PRKD3: variants seen among roughly 807,000 people sequenced by gnomAD.
The protein encoded by PRKD3 is protein kinase D3, also known as serine/threonine-protein kinase D3.
In PRKD3, 47 loss-of-function variants were observed where a neutral mutation model predicts 99.2. The observed-to-expected ratio is 0.47, with a 90% CI of 0.38 to 0.60. PRKD3 has a LOEUF of 0.60. Among genes scored for constraint, PRKD3 ranks in the 20% least tolerant of loss-of-function variants. The probability of loss-of-function intolerance (pLI) is 0.00; values close to 1 mark genes in which losing one functional copy is unlikely to be tolerated. For synonymous variants in PRKD3, 392 were observed against 355.4 expected, an observed-to-expected ratio of 1.10 and a Z score of -1.16; for missense variants, 1,019 against 1,088.4, an observed-to-expected ratio of 0.94 and a Z score of 0.90.
At chr2:37,266,873 T>C (rs1668880291) in intron 14 of PRKD3, among the ~76,000 whole-genome samples, 1 of 152,214 alleles carries the variant, frequency 6.6e-6, no homozygotes, top group African/African-American at 2.4e-5. Context: ...ATTATTTATA[T>C]GATATTCAGA....
At chr2:37,267,949 C>G (rs1053095978) in intron 13 of PRKD3, 3 of 188,898 alleles carry the variant, frequency 1.6e-5, no homozygotes, top group Non-Finnish European at 1.1e-5. Flanking sequence ...CTCTGGGTGT[C>G]TCTATATTCT....
chr2:37,310,756 A>G (rs946726583), intron 2 of PRKD3, among the ~76,000 whole-genome samples: 5 of 152,200 alleles, frequency 3.3e-5, no homozygotes, highest in African/African-American at 1.2e-4. Context: ...AGGGTGTTCA[A>G]GGCTAGTTAA....
In PRKD3 at chr2:37,300,317, A is replaced by T. The variant is rs561749652; in HGVS notation, c.289-7046T>A. Reference sequence around the variant, plus strand: ...GTTCTCACTTGTATGTGAAAAATTTAAAAAAAAAATGACCTCATGGAGATA... The same window carrying T: ...GTTCTCACTTGTATGTGAAAAATTTTAAAAAAAAATGACCTCATGGAGATA... On this transcript the variant is annotated intron_variant, in intron 2 of 18. Coordinates refer to ENST00000234179, the MANE Select transcript of PRKD3 (RefSeq NM_005813.6). Among the ~76,000 whole-genome samples, 160 of 150,794 alleles carry T rather than the reference A, an allele frequency of 1.1e-3. 1 individual carries two copies. Among genetic ancestry groups the T allele is most frequent in the Admixed American group, 1.1e-3 (17 of 15,122 alleles).
intron 5 of PRKD3, among the ~76,000 whole-genome samples, chr2:37,288,159 C>T (rs551202089): frequency 9.2e-5 from 14 of 152,000 alleles, no homozygotes; most frequent in African/African-American, 1.9e-4. Context: ...GCATAGGTGG[C>T]GTAACAGCAT....
At chr2:37,293,472 C>T (rs1413925604) in intron 2 of PRKD3, among the ~76,000 whole-genome samples, 1 of 152,124 alleles carries the variant, frequency 6.6e-6, no homozygotes, top group Non-Finnish European at 1.5e-5. Flanking sequence ...GAAAAGTAAA[C>T]TTACAAATAA....
At position 37,251,735 on chromosome 2, in the gene PRKD3, G is replaced by A. The variant is rs536292469; in HGVS notation, c.*1442C>T. On this transcript the variant is annotated 3_prime_UTR_variant, in exon 19 of 19. Transcript: ENST00000234179. ...CTTCACGACAACACTGTGACAAAGG[G>A]AGAGGCAAGAATGATAATCTTCATT... 3 of 152,056 alleles carry A rather than the reference G, an allele frequency of 2.0e-5. No homozygotes were observed. The highest frequency in any genetic ancestry group is 2.9e-5 in the Non-Finnish European group (2 of 68,026). The allele number at this position is 152,056 out of a possible 1,614,324, so 9.4% of individuals were successfully genotyped here.
intron 1 of PRKD3, among the ~76,000 whole-genome samples, chr2:37,320,560 T>C (rs961666969): frequency 6.6e-6 from 1 of 150,786 alleles, no homozygotes; most frequent in East Asian, 2.0e-4. Context: ...GCCGCCCCAG[T>C]AGCTGGGATT....
At chr2:37,260,149 G>A in intron 15 of PRKD3, 74 bp downstream of exon 15, 1 of 1,342,958 alleles carries the variant, frequency 7.4e-7, no homozygotes, top group Non-Finnish European at 1.0e-6. Flanking sequence ...AGGTGACAGA[G>A]TAAGACTCTT....
At chr2:37,270,595 G>A (rs1669182962) in intron 12 of PRKD3, among the ~76,000 whole-genome samples, 1 of 152,118 alleles carries the variant, frequency 6.6e-6, no homozygotes, top group Non-Finnish European at 1.5e-5. Context: ...AGGTGTGACT[G>A]ATGAAAGAAA....
intron 5 of PRKD3, among the ~76,000 whole-genome samples, chr2:37,288,160 G>C (rs1372245844): frequency 6.6e-6 from 1 of 152,106 alleles, no homozygotes; most frequent in Admixed American, 6.5e-5. Context: ...CATAGGTGGC[G>C]TAACAGCATC....
chr2:37,269,742 C>T (rs1270108159), intron 12 of PRKD3, 55 bp from the exon 13 acceptor site: 5 of 1,253,230 alleles, frequency 4.0e-6, no homozygotes. Context: ...ACAATGTCAA[C>T]ATCTCTGACT....
chr2:37,305,299 C>A (rs992655468), intron 2 of PRKD3, among the ~76,000 whole-genome samples: 4 of 152,164 alleles, frequency 2.6e-5, no homozygotes, highest in Non-Finnish European at 5.9e-5. Flanking sequence ...TCTAGTGTCA[C>A]GTAAATCGTC....
intron 2 of PRKD3, among the ~76,000 whole-genome samples, chr2:37,299,587 G>C (rs1323181214): frequency 1.3e-5 from 2 of 150,434 alleles, no homozygotes; most frequent in African/African-American, 4.9e-5. Flanking sequence ...TAATTAACAA[G>C]TGAAGTGACA....
intron 2 of PRKD3, among the ~76,000 whole-genome samples, chr2:37,311,829 T>C (rs1451631028): frequency 2.0e-5 from 3 of 152,138 alleles, no homozygotes; most frequent in Non-Finnish European, 4.4e-5. Flanking sequence ...GAATCATAGA[T>C]AGAACTCTTA....
intron 5 of PRKD3, among the ~76,000 whole-genome samples, chr2:37,288,745 G>A (rs1238894181): frequency 6.6e-6 from 1 of 152,122 alleles, no homozygotes; most frequent in Admixed American, 6.5e-5. Context: ...GCTGCTCTGT[G>A]TCTCAACTGT....
chr2:37,287,262 A>AAAAAAAAAAAAAAAAAG (rs1670155965), intron 5 of PRKD3, among the ~76,000 whole-genome samples: 1 of 80,424 alleles, frequency 1.2e-5, no homozygotes, highest in African/African-American at 5.3e-5. Flanking sequence ...AAAAAAAAAA[A>AAAAAAAAAAAAAAAAAG]AAAAAGAAAA....
intron 11 of PRKD3, among the ~76,000 whole-genome samples, chr2:37,273,179 T>A (rs768182974): frequency 2.6e-5 from 4 of 152,218 alleles, no homozygotes; most frequent in African/African-American, 4.8e-5. Flanking sequence ...ATTTATTGCC[T>A]GAAATAAATC....
At chr2:37,268,260 C>G (rs1409950099) in intron 13 of PRKD3, 1 of 463,624 alleles carries the variant, frequency 2.2e-6, no homozygotes, top group South Asian at 1.6e-5. Flanking sequence ...CTTGAAAAGA[C>G]TGAACAAATG....
At chr2:37,254,091 C>A in intron 18 of PRKD3, 113 bp downstream of exon 18, 1 of 763,706 alleles carries the variant, frequency 1.3e-6, no homozygotes, top group Non-Finnish European at 2.2e-6. Context: ...AAATTAATCA[C>A]TTAAGAGCAC....
Sources: allele counts gnomAD v4.1 joint callset (sites outside exome capture counted in the v4.1 genomes callset), GRCh38; gene constraint gnomAD v4.1.1; transcripts MANE v1.5; gene names NCBI Gene and HGNC (gene_info 2026-07-23, HGNC 2026-07-21).